WDR44: variants seen among roughly 807,000 people sequenced by gnomAD.
WDR44 encodes WD repeat domain 44.
WDR44 carries 9 observed loss-of-function variants against 65.7 expected under a neutral mutation model. The observed-to-expected ratio is 0.14, with a 90% CI of 0.08 to 0.24. The LOEUF (loss-of-function observed/expected upper bound fraction) is 0.24. WDR44 is among the 10% of genes least tolerant of loss of function. The pLI, the probability that WDR44 is intolerant of heterozygous loss-of-function variation, is 1.00. For synonymous variants in WDR44, 220 were observed against 235.2 expected (o/e 0.94, Z 0.59); for missense variants, 425 against 670.9 (o/e 0.63, Z 4.05).
chrX:118,369,466 C>T (rs1386596135), intron 1 of WDR44, among the ~76,000 whole-genome samples: 14 of 93,099 alleles, frequency 1.5e-4, no homozygotes, highest in Non-Finnish European at 1.2e-4. Flanking sequence ...CCACCACGCC[C>T]GGCCTTTTTT....
rs1259172628 is a variant in WDR44 at position 118,400,908 on chromosome X, G to A, written c.1274+2438G>A. Among the ~76,000 whole-genome samples, 3 of 96,872 alleles carry A rather than the reference G, an allele frequency of 3.1e-5. No homozygotes were observed. In the Admixed American group the frequency reaches 3.6e-4, roughly 11 times the overall value. 84.1% of individuals were successfully genotyped at this position (96,872 alleles called of 115,157 possible). A position where few individuals can be genotyped will look rare whatever the true frequency, so the allele number is the denominator to read the frequency against. On this transcript the variant is annotated intron_variant, in intron 8 of 19. Transcript: ENST00000254029. ...TTGTTCAATTCCCACCTATGAGTGA[G>A]AATATGTGGTGTTTGGTTTTTTGTT...
At chrX:118,358,853 G>A (rs1443235042) in intron 1 of WDR44, among the ~76,000 whole-genome samples, 3 of 111,657 alleles carry the variant, frequency 2.7e-5, no homozygotes, top group African/African-American at 6.5e-5. Context: ...CAGGTGGATC[G>A]CTTGAGGTCA....
At chrX:118,403,800 C>T (rs182815757) in intron 8 of WDR44, among the ~76,000 whole-genome samples, 560 of 111,914 alleles carry the variant, frequency 5.0e-3, no homozygotes, top group Non-Finnish European at 8.9e-3. Context: ...TTTGGGAATA[C>T]CTACTAGGAA....
In WDR44 at chrX:118,410,950, A is replaced by G; in HGVS notation, c.1728A>G (p.Thr576=). The change falls in exon 12 of 20, where the codon ACA becomes ACG. Residue 576 remains threonine (T), a synonymous_variant. Transcript: ENST00000254029. ...GTCTAAGTTCATCAAAATCGGATAC[A>G]GATACAGGGGTATGCTTATTGTTTT... The part of the protein sequence containing the change: ...QESLSSSKSD[T]DTGVCSGTDE... 1.7e-6 allele frequency: 2 copies of G among 1,193,998 alleles called. No homozygotes were observed. Among genetic ancestry groups the G allele is most frequent in the Non-Finnish European group, 2.3e-6 (2 of 886,119 alleles).
chrX:118,424,323 G>GTGTGTATA (rs1289349202), intron 12 of WDR44, among the ~76,000 whole-genome samples: 6 of 65,552 alleles, frequency 9.2e-5, no homozygotes, highest in East Asian at 9.1e-4. Flanking sequence ...GTGTGTGTGT[G>GTGTGTATA]TATATATATA....
intron 7 of WDR44, 106 bp from the exon 8 acceptor site, chrX:118,398,281 C>T (rs113759772): frequency 7.9e-5 from 40 of 507,216 alleles, no homozygotes; most frequent in African/African-American, 7.4e-4. Flanking sequence ...AGCTTATTAG[C>T]GTAGTTTTTC....
At chrX:118,387,260 C>T in intron 2 of WDR44, 80 bp from the exon 3 acceptor site, 2 of 489,970 alleles carry the variant, frequency 4.1e-6, no homozygotes, top group Non-Finnish European at 6.2e-6. Flanking sequence ...GCTACATTTT[C>T]TCATTTGTAC....
rs1227980154 is a variant in WDR44, at chrX:118,346,201, T to G, written c.-303T>G. On this transcript the variant is annotated 5_prime_UTR_variant, in exon 1 of 20. Transcript: ENST00000254029. ...AGCCGGCGCGCCCTTCTTCCCTTACTGCGAGGAGCCACCGCCTCTTTCGCG... is the reference window on the plus strand; with the variant it reads ...AGCCGGCGCGCCCTTCTTCCCTTACGGCGAGGAGCCACCGCCTCTTTCGCG... 7.8e-5 allele frequency: 24 copies of G among 309,089 alleles called. No homozygotes were observed. Among genetic ancestry groups the G allele is most frequent in the Non-Finnish European group, 5.1e-5 (9 of 177,981 alleles). 25.5% of individuals were successfully genotyped at this position (309,089 alleles called of 1,213,427 possible).
intron 1 of WDR44, among the ~76,000 whole-genome samples, chrX:118,353,983 A>G (rs1375248590): frequency 3.6e-5 from 4 of 111,803 alleles, no homozygotes; most frequent in Non-Finnish European, 7.5e-5. Flanking sequence ...AATAAACAGG[A>G]AGAGAACAGT....
At chrX:118,448,304 C>T (rs1233784574) in intron 19 of WDR44, among the ~76,000 whole-genome samples, 4 of 111,671 alleles carry the variant, frequency 3.6e-5, no homozygotes, top group Admixed American at 9.6e-5. Flanking sequence ...TTATTAAGTG[C>T]TTTTATGCAA....
chrX:118,433,512 G>A (rs1248749629), intron 13 of WDR44, among the ~76,000 whole-genome samples: 1 of 111,552 alleles, frequency 9.0e-6, no homozygotes, highest in Non-Finnish European at 1.9e-5. Flanking sequence ...GACCCCTGGA[G>A]CCAGACTCCC....
chrX:118,403,218 T>TGGG (rs1489654809), intron 8 of WDR44, among the ~76,000 whole-genome samples: 3 of 112,000 alleles, frequency 2.7e-5, no homozygotes, highest in Non-Finnish European at 5.6e-5. Context: ...CATGGTTGAC[T>TGGG]GGGGTAACTG....
At position 118,398,511 on chromosome X, in the gene WDR44, A is replaced by T. The variant is rs199917945; in HGVS notation, c.1274+41A>T. 1.6e-5 allele frequency: 17 copies of T among 1,059,467 alleles called. No homozygotes were observed. In the African/African-American group the frequency reaches 2.2e-4, roughly 14 times the overall value. The allele number at this position is 1,059,467 out of a possible 1,213,427, so 87.3% of individuals were successfully genotyped here. On this transcript the variant is annotated intron_variant, in intron 8 of 19. Transcript: ENST00000254029. ...TCCCTTTTCTTCATTTCAAGTTTTT[A>T]TTTAAAAAAATATGAGAACTACCAT...
intron 3 of WDR44, among the ~76,000 whole-genome samples, chrX:118,387,812 A>G (rs766298368): frequency 1.8e-4 from 20 of 111,890 alleles, no homozygotes; most frequent in African/African-American, 6.2e-4. Flanking sequence ...CTTTTAAAAA[A>G]TTGATGCTAT....
chrX:118,346,643 TC>T, intron 1 of WDR44, 63 bp downstream of exon 1: 1 of 923,345 alleles, frequency 1.1e-6, no homozygotes, highest in African/African-American at 2.0e-5. Flanking sequence ...TCCTGTGTCT[TC>T]CCCCTACACC....
chrX:118,360,867 C>T (rs1389806724), intron 1 of WDR44, among the ~76,000 whole-genome samples: 3 of 111,805 alleles, frequency 2.7e-5, no homozygotes, highest in Non-Finnish European at 5.6e-5. Context: ...AAATGTTTCC[C>T]AAGCAACCAG....
intron 12 of WDR44, among the ~76,000 whole-genome samples, chrX:118,430,367 C>T (rs1169054391): frequency 9.6e-5 from 10 of 104,059 alleles, no homozygotes; most frequent in Non-Finnish European, 1.8e-4. Flanking sequence ...GATGGTGAAA[C>T]GCCGTCTCTA....
chrX:118,349,167 C>A (rs2147654725), intron 1 of WDR44, among the ~76,000 whole-genome samples: 1 of 111,564 alleles, frequency 9.0e-6, no homozygotes, highest in African/African-American at 3.3e-5. Flanking sequence ...TCTTCACTTG[C>A]CCAGCTTTGC....
At chrX:118,375,091 C>T (rs954758752) in intron 1 of WDR44, among the ~76,000 whole-genome samples, 10 of 111,634 alleles carry the variant, frequency 9.0e-5, no homozygotes, top group African/African-American at 3.3e-4. Flanking sequence ...CAGTAATTAG[C>T]CAATAACTTT....
Sources: gnomAD v4.1 joint callset for allele counts (sites outside exome capture counted in the v4.1 genomes callset) on GRCh38, gnomAD v4.1.1 for gene constraint, MANE v1.5 for transcripts, NCBI Gene and HGNC (gene_info 2026-07-23, HGNC 2026-07-21) for gene names.